Variants in MYO9A observed in about 807,000 individuals in gnomAD.
MYO9A encodes the protein myosin IXA.
A neutral mutation model predicts 293.3 loss-of-function variants in MYO9A; 103 were observed. The observed-to-expected ratio is 0.35, with a 90% CI of 0.30 to 0.41. MYO9A has a LOEUF of 0.41. Among genes scored for constraint, MYO9A ranks in the 10% least tolerant of loss-of-function variants. The pLI is 1.00. For missense variants in MYO9A, 2,685 were observed against 3,033.0 expected, an observed-to-expected ratio of 0.89 and a Z score of 2.69; for synonymous variants, 1,001 against 1,035.7, an observed-to-expected ratio of 0.97 and a Z score of 0.64.
intron 9 of MYO9A, among the ~76,000 whole-genome samples, chr15:71,998,376 C>A (rs1034833070): frequency 6.6e-6 from 1 of 152,086 alleles, no homozygotes; most frequent in Admixed American, 6.5e-5. Flanking sequence ...ACGAAATAAT[C>A]TCTACAACAA....
intron 2 of MYO9A, among the ~76,000 whole-genome samples, chr15:72,040,734 T>G: frequency 6.6e-6 from 1 of 152,056 alleles, no homozygotes; most frequent in East Asian, 1.9e-4. Flanking sequence ...CATTTCTTTC[T>G]ACAATGATTA....
At chr15:72,067,103 A>C (rs1596498709) in intron 1 of MYO9A, among the ~76,000 whole-genome samples, 1 of 24,486 alleles carries the variant, frequency 4.1e-5, no homozygotes, top group Non-Finnish European at 2.0e-4. Flanking sequence ...TACATAATAT[A>C]ATCTTATATG....
In MYO9A at chr15:71,997,633, CA is replaced by C. The variant is rs963557091; in HGVS notation, c.1470+2217del. On this transcript the variant is annotated intron_variant, in intron 9 of 41. Coordinates refer to ENST00000356056, the MANE Select transcript of MYO9A (RefSeq NM_006901.4). ...AATGAATACACCAAACAAAAATAAA[CA>C]AAAAAAAAGTAGGGAATACAAAATA... Among the ~76,000 whole-genome samples, 89 of 149,444 alleles carry C rather than the reference CA, an allele frequency of 6.0e-4. 1 individual carries two copies. The highest frequency in any genetic ancestry group is 8.0e-4 in the Non-Finnish European group (54 of 67,244).
rs745914335 is a variant in MYO9A, at chr15:71,991,073, G to T, written c.1722+30C>A. The stretch of plus-strand genomic sequence containing the variant: ...TGACTCAAAGATATGTGTGATGGGG[G>T]GACAAGTGTATACATATTTAGGTAC... On this transcript the variant is annotated intron_variant, in intron 11 of 41. Coordinates refer to ENST00000356056, the MANE Select transcript of MYO9A (RefSeq NM_006901.4). 3.3e-6 allele frequency: 5 copies of T among 1,499,966 alleles called. No homozygotes were observed. In the East Asian group the frequency reaches 1.2e-4, roughly 37 times the overall value. 92.9% of individuals were successfully genotyped at this position (1,499,966 alleles called of 1,614,324 possible). A position where few individuals can be genotyped will look rare whatever the true frequency, so the allele number is the denominator to read the frequency against.
chr15:71,825,993 TTG>T lies in MYO9A; in HGVS notation c.*585_*586del, dbSNP rs1416208192. On this transcript the variant is annotated 3_prime_UTR_variant, in exon 42 of 42. Coordinates refer to ENST00000356056, the MANE Select transcript of MYO9A (RefSeq NM_006901.4). ...TAATGGAAACAATCACGGTTTTTTT[TTG>T]TTTTTTTTTTTTTGTTTTTTTTTTT... The T allele has an allele frequency of 3.5e-5, 4 of 115,924 alleles. 1 individual carries two copies. In the South Asian group the frequency reaches 1.0e-3, roughly 30 times the overall value. The allele number at this position is 115,924 out of a possible 1,614,324, so 7.2% of individuals were successfully genotyped here.
rs576442284 is a variant in MYO9A, at chr15:71,853,280, G to A, written c.6347-1020C>T. On this transcript the variant is annotated intron_variant, in intron 35 of 41. Coordinates refer to ENST00000356056, the MANE Select transcript of MYO9A (RefSeq NM_006901.4). Reference sequence around the variant, plus strand: ...AACGCATACAGGACACTTTCTGAAAGTAAGGCTAATTTTAAGTCATTCTTA... The same window carrying A: ...AACGCATACAGGACACTTTCTGAAAATAAGGCTAATTTTAAGTCATTCTTA... Among the ~76,000 whole-genome samples, 49 of 152,334 alleles carry A rather than the reference G, an allele frequency of 3.2e-4. No homozygotes were observed. In the South Asian group the frequency reaches 9.7e-3, roughly 30 times the overall value.
chr15:71,950,820 A>C (rs1025681294), intron 15 of MYO9A, among the ~76,000 whole-genome samples: 3 of 152,210 alleles, frequency 2.0e-5, no homozygotes, highest in Non-Finnish European at 4.4e-5. Flanking sequence ...GAAAACTGTG[A>C]AATTAGCAAA....
chr15:71,996,763 T>C (rs938565007), intron 9 of MYO9A, among the ~76,000 whole-genome samples: 1 of 152,048 alleles, frequency 6.6e-6, no homozygotes, highest in Non-Finnish European at 1.5e-5. Flanking sequence ...TCATTCTCAC[T>C]ACCGCAGCCT....
At chr15:71,872,408 T>C (rs2056542739) in intron 32 of MYO9A, among the ~76,000 whole-genome samples, 1 of 152,178 alleles carries the variant, frequency 6.6e-6, no homozygotes, top group East Asian at 1.9e-4. Flanking sequence ...AACTCTAATA[T>C]TAAAGTTGTT....
intron 18 of MYO9A, among the ~76,000 whole-genome samples, chr15:71,926,755 G>T (rs1207533679): frequency 6.6e-6 from 1 of 152,202 alleles, no homozygotes; most frequent in South Asian, 2.1e-4. Flanking sequence ...CCAAAGCATG[G>T]TTGTTCTAGC....
intron 8 of MYO9A, among the ~76,000 whole-genome samples, chr15:72,007,392 G>GAA (rs1566943736): frequency 7.2e-6 from 1 of 138,034 alleles, no homozygotes; most frequent in African/African-American, 2.6e-5. Context: ...AACCCATAAG[G>GAA]GAAAAAAAAA....
At chr15:71,939,305 G>C (rs931074903) in intron 15 of MYO9A, among the ~76,000 whole-genome samples, 5 of 152,076 alleles carry the variant, frequency 3.3e-5, no homozygotes, top group Non-Finnish European at 5.9e-5. Context: ...ATTTCACCCA[G>C]GTACTAAGCC....
At chr15:72,118,251 C>G, upstream of MYO9A, 1 of 327,512 alleles carries the variant, frequency 3.1e-6, no homozygotes, top group Admixed American at 4.9e-5. Flanking sequence ...CTTGCGCAGA[C>G]ACGCCCCCTT....
At chr15:71,868,646 T>C (rs1272990977) in intron 32 of MYO9A, among the ~76,000 whole-genome samples, 1 of 152,202 alleles carries the variant, frequency 6.6e-6, no homozygotes, top group African/African-American at 2.4e-5. Flanking sequence ...TCTGAATATA[T>C]TGTTCAATGA....
At chr15:71,958,370 T>C (rs1367624285) in intron 14 of MYO9A, 1 of 151,944 alleles carries the variant, frequency 6.6e-6, no homozygotes, top group African/African-American at 2.4e-5. Flanking sequence ...CAAAAGAGAG[T>C]AGGTAGGAAG....
intron 37 of MYO9A, 140 bp from the exon 38 acceptor site, chr15:71,850,307 AG>A: frequency 1.0e-6 from 1 of 974,952 alleles, no homozygotes; most frequent in Non-Finnish European, 1.5e-6. Context: ...ATTAAGTTTA[AG>A]GGTCTGCAGA....
chr15:71,956,834 T>TATAC (rs2059209964), intron 14 of MYO9A, among the ~76,000 whole-genome samples: 1 of 121,482 alleles, frequency 8.2e-6, no homozygotes, highest in Admixed American at 9.8e-5. Flanking sequence ...GCTATATATA[T>TATAC]ATACACACAC....
In MYO9A at chr15:71,878,090, A is replaced by T. The variant is rs1383923846; in HGVS notation, c.5881T>A (p.Leu1961Ile). 4 of 1,610,748 alleles carry T rather than the reference A, an allele frequency of 2.5e-6. No homozygotes were observed. Among genetic ancestry groups the T allele is most frequent in the Non-Finnish European group, 3.4e-6 (4 of 1,178,984 alleles). ...RVWVNTFKVF[L>I]DEYMNEFKTS... ...TTGAATTCATTCATATATTCATCTA[A>T]AAACACTTTAAAAGTGTTGACCCAA... The change falls in exon 31 of 42, where the codon TTA (leucine) becomes ATA (isoleucine). Residue 1961 changes from leucine to isoleucine, a missense_variant. By Grantham distance (5) the Leu-to-Ile change is conservative. This residue lies in a region of MYO9A where 1,434 missense variants were observed against 1,497.7 expected (regional missense o/e 0.96). Coordinates refer to ENST00000356056, the MANE Select transcript of MYO9A (RefSeq NM_006901.4).
At chr15:72,115,872 GA>G (rs1287984191) in intron 1 of MYO9A, among the ~76,000 whole-genome samples, 1 of 151,934 alleles carries the variant, frequency 6.6e-6, no homozygotes, top group African/African-American at 2.4e-5. Flanking sequence ...ACATTTAAAA[GA>G]AAAGCATGTA....
Sources: allele counts gnomAD v4.1 joint callset (sites outside exome capture counted in the v4.1 genomes callset), GRCh38; gene constraint gnomAD v4.1.1; regional missense constraint gnomAD v4.1.1; transcripts MANE v1.5; gene names NCBI Gene and HGNC (gene_info 2026-07-23, HGNC 2026-07-21).